Variants in FANCB observed in about 807,000 individuals in gnomAD.
The protein encoded by FANCB is Fanconi anemia group B protein.
A neutral mutation model predicts 38.9 loss-of-function variants in FANCB; 5 were observed. The ratio of observed to expected loss-of-function variants is 0.13; its 90% CI spans 0.07 to 0.27. The LOEUF is 0.27. Ranked by LOEUF, FANCB falls within the 10% of genes least tolerant of loss-of-function variation. The pLI is 1.00. For missense variants in FANCB, 573 were observed against 602.7 expected (o/e 0.95, Z 0.52); for synonymous variants, 236 against 215.4 (o/e 1.10, Z -0.84).
At chrX:14,739,083 A>T in the FANCB span, among the ~76,000 whole-genome samples, 1 of 112,070 alleles carries the variant, frequency 8.9e-6, no homozygotes, top group African/African-American at 3.2e-5. Context: ...TTCTTTTTTA[A>T]TCTTTCAACC....
At chrX:14,846,887 C>G (rs1266085008) in intron 7 of FANCB, among the ~76,000 whole-genome samples, 1 of 102,147 alleles carries the variant, frequency 9.8e-6, no homozygotes, top group Non-Finnish European at 2.0e-5. Context: ...TTAGAGATAA[C>G]AGTCAAGTCC....
chrX:14,739,534 CAA>C, the FANCB span, among the ~76,000 whole-genome samples: 1 of 111,828 alleles, frequency 8.9e-6, no homozygotes, highest in East Asian at 2.8e-4. Flanking sequence ...AAATAAATGT[CAA>C]AAGAGAGCCC....
chrX:14,778,258 G>A, the FANCB span, among the ~76,000 whole-genome samples: 1 of 111,364 alleles, frequency 9.0e-6, no homozygotes, highest in Non-Finnish European at 1.9e-5. Flanking sequence ...GGGACATTTT[G>A]TTTCAATGTC....
chrX:14,698,792 T>C, the FANCB span, among the ~76,000 whole-genome samples: 3 of 110,247 alleles, frequency 2.7e-5, no homozygotes, highest in Non-Finnish European at 5.7e-5. Context: ...GGTTGATATT[T>C]TAGAAGGTAT....
the FANCB span, among the ~76,000 whole-genome samples, chrX:14,770,871 T>G: frequency 1.8e-5 from 2 of 111,884 alleles, no homozygotes; most frequent in Non-Finnish European, 3.8e-5. Context: ...GAAAAGGATC[T>G]TATTTCTCCT....
At chrX:14,730,572 A>G in the FANCB span, 2 of 128,325 alleles carry the variant, frequency 1.6e-5, no homozygotes, top group African/African-American at 5.2e-5. Flanking sequence ...ACTTTGACAG[A>G]GGAGAAGATT....
rs1325449246 is a variant in FANCB at position 14,843,685 on chromosome X, T to C, written c.2462A>G (p.Lys821Arg). The C allele has an allele frequency of 8.3e-7, 1 of 1,211,011 alleles. No homozygotes were observed. Among genetic ancestry groups the C allele is most frequent in the Non-Finnish European group, 1.1e-6 (1 of 894,765 alleles). ...PYRKELQREK[K>R]KMLQTNLKVS... is the part of the protein sequence containing the mutation. ...TTTTAGGTTCGTTTGCAACATTTTC[T>C]TCTTTTCTCTCTGAAGTTCTTTTCT... Residue 821 changes from lysine to arginine, a missense_variant, in exon 10 of 10, where the codon AAG becomes AGG. Physicochemically the swap from Lys to Arg is conservative, Grantham distance 26. Coordinates refer to ENST00000650831, the MANE Select transcript of FANCB (RefSeq NM_001018113.3).
chrX:14,730,473 C>T, the FANCB span: 3 of 1,203,029 alleles, frequency 2.5e-6, no homozygotes, highest in Non-Finnish European at 2.3e-6. Flanking sequence ...ATGAAGATGT[C>T]CACAAGAAAT....
chrX:14,838,505 C>T (rs1302640184), downstream of FANCB, among the ~76,000 whole-genome samples: 3 of 111,216 alleles, frequency 2.7e-5, no homozygotes, highest in Non-Finnish European at 5.7e-5. Context: ...CACCCCTGAC[C>T]CCCATCACAC....
the FANCB span, among the ~76,000 whole-genome samples, chrX:14,690,308 A>G: frequency 8.9e-6 from 1 of 112,220 alleles, no homozygotes; most frequent in African/African-American, 3.2e-5. Context: ...GATAAGTAAA[A>G]ATTGTATATA....
At chrX:14,712,834 T>C in the FANCB span, among the ~76,000 whole-genome samples, 1 of 111,508 alleles carries the variant, frequency 9.0e-6, no homozygotes. Flanking sequence ...CAGAAAGGTC[T>C]AGCCACCGTG....
the FANCB span, among the ~76,000 whole-genome samples, chrX:14,701,601 A>G: frequency 1.8e-5 from 2 of 111,687 alleles, no homozygotes; most frequent in Non-Finnish European, 3.8e-5. Context: ...GGGATACTGT[A>G]AAGAAGAGAT....
intron 1 of FANCB, among the ~76,000 whole-genome samples, chrX:14,870,455 G>A (rs914289295): frequency 3.6e-5 from 4 of 110,396 alleles, no homozygotes; most frequent in African/African-American, 6.6e-5. Flanking sequence ...GCAGGGTGGC[G>A]GTGCGGGGCG....
At chrX:14,838,538 AC>A (rs1201436728), downstream of FANCB, among the ~76,000 whole-genome samples, 1 of 111,648 alleles carries the variant, frequency 9.0e-6, no homozygotes, top group African/African-American at 3.3e-5. Flanking sequence ...TACTACTTTT[AC>A]CAGAATCTTT....
chrX:14,824,666 T>C, the FANCB span, among the ~76,000 whole-genome samples: 1 of 112,298 alleles, frequency 8.9e-6, no homozygotes, highest in Non-Finnish European at 1.9e-5. Context: ...ATTTGGCTTA[T>C]CACGTCATAA....
chrX:14,696,137 A>AGAAGGAAG, the FANCB span, among the ~76,000 whole-genome samples: 2 of 103,921 alleles, frequency 1.9e-5, no homozygotes, highest in African/African-American at 7.0e-5. Context: ...GTAGAAGGGA[A>AGAAGGAAG]GAAGGAAGGA....
At chrX:14,834,072 C>A (rs1047247603), downstream of FANCB, among the ~76,000 whole-genome samples, 1 of 111,712 alleles carries the variant, frequency 9.0e-6, no homozygotes, top group Non-Finnish European at 1.9e-5. Flanking sequence ...GCAAAACCCC[C>A]CTAAACCACA....
chrX:14,741,425 A>G, the FANCB span, among the ~76,000 whole-genome samples: 1 of 111,281 alleles, frequency 9.0e-6, no homozygotes, highest in Admixed American at 9.6e-5. Flanking sequence ...ACCCCAGAGG[A>G]TCTCCTGCAT....
the FANCB span, among the ~76,000 whole-genome samples, chrX:14,819,236 C>G: frequency 9.0e-6 from 1 of 111,144 alleles, no homozygotes; most frequent in Non-Finnish European, 1.9e-5. Flanking sequence ...GAACATAGAC[C>G]CAGAATGCAC....
Sources: allele counts gnomAD v4.1 joint callset (sites outside exome capture counted in the v4.1 genomes callset), GRCh38; gene constraint gnomAD v4.1.1; transcripts MANE v1.5; gene names NCBI Gene and HGNC (gene_info 2026-07-23, HGNC 2026-07-21).